PACRG: variants seen among roughly 807,000 people sequenced by gnomAD.
The protein encoded by PACRG is parkin coregulated, also known as parkin coregulated gene protein.
In PACRG, 29 loss-of-function variants were observed where a neutral mutation model predicts 29.7. That is an observed-to-expected ratio of 0.98 (90% CI 0.73 to 1.33). The LOEUF (loss-of-function observed/expected upper bound fraction) is 1.33, where lower values mean the gene tolerates loss of function less well. Among genes scored for constraint, PACRG ranks in the 40% most tolerant of loss-of-function variants. The pLI, the probability that PACRG is intolerant of heterozygous loss-of-function variation, is 0.00. For missense variants in PACRG, 279 were observed against 316.2 expected, an observed-to-expected ratio of 0.88 and a Z score of 0.89; for synonymous variants, 116 against 118.7, an observed-to-expected ratio of 0.98 and a Z score of 0.15.
chr6:162,797,679 G>A (rs375538908), intron 1 of PACRG, among the ~76,000 whole-genome samples: 1 of 151,684 alleles, frequency 6.6e-6, no homozygotes, highest in Non-Finnish European at 1.5e-5. Flanking sequence ...GAATTTTTTT[G>A]GGGGGGACTT....
chr6:162,881,965 G>A (rs9765879), intron 2 of PACRG, among the ~76,000 whole-genome samples: 1 of 127,086 alleles, frequency 7.9e-6, no homozygotes, highest in Admixed American at 7.8e-5. Flanking sequence ...GATGGGTGGG[G>A]GGGGGCACTC....
chr6:162,907,113 A>G (rs1795985145), intron 2 of PACRG, among the ~76,000 whole-genome samples: 2 of 152,178 alleles, frequency 1.3e-5, no homozygotes, highest in Admixed American at 6.5e-5. Context: ...CATTTTGTTC[A>G]TATACCATGA....
At chr6:163,234,255 T>TG (rs1045381386) in intron 4 of PACRG, among the ~76,000 whole-genome samples, 48 of 152,110 alleles carry the variant, frequency 3.2e-4, no homozygotes, top group Admixed American at 6.5e-4. Flanking sequence ...GGGAGGGTCA[T>TG]GGGGGGTGCA....
At chr6:163,067,161 C>T (rs1222899575) in intron 3 of PACRG, among the ~76,000 whole-genome samples, 1 of 152,192 alleles carries the variant, frequency 6.6e-6, no homozygotes, top group Non-Finnish European at 1.5e-5. Flanking sequence ...TCCCAAGCTT[C>T]AGTATGCATC....
intron 1 of PACRG, among the ~76,000 whole-genome samples, chr6:162,811,989 G>GA (rs1786911887): frequency 6.6e-6 from 1 of 152,138 alleles, no homozygotes; most frequent in South Asian, 2.1e-4. Flanking sequence ...TATGTGGAGT[G>GA]AAAAAGGCCA....
chr6:162,954,985 G>A (rs2128135806), intron 2 of PACRG, among the ~76,000 whole-genome samples: 1 of 152,316 alleles, frequency 6.6e-6, no homozygotes, highest in East Asian at 1.9e-4. Flanking sequence ...CAGACCAACA[G>A]CATCTGCTAC....
At chr6:162,934,584 A>G (rs1180873429) in intron 2 of PACRG, among the ~76,000 whole-genome samples, 1 of 151,664 alleles carries the variant, frequency 6.6e-6, no homozygotes, top group Non-Finnish European at 1.5e-5. Flanking sequence ...GGGAATTTAA[A>G]CCCTTTACAT....
intron 4 of PACRG, among the ~76,000 whole-genome samples, chr6:163,289,777 C>G (rs1325055557): frequency 6.6e-6 from 1 of 151,586 alleles, no homozygotes; most frequent in African/African-American, 2.4e-5. Context: ...AGGGCAGGGA[C>G]AGAGCTTGTG....
At chr6:163,198,642 A>G (rs188585765) in intron 4 of PACRG, among the ~76,000 whole-genome samples, 1 of 152,304 alleles carries the variant, frequency 6.6e-6, no homozygotes, top group Non-Finnish European at 1.5e-5. Flanking sequence ...TGCCTTGCCC[A>G]TTAATGAGGT....
chr6:163,222,417 T>C (rs1258505248), intron 4 of PACRG, among the ~76,000 whole-genome samples: 4 of 152,076 alleles, frequency 2.6e-5, no homozygotes, highest in Non-Finnish European at 5.9e-5. Context: ...CCATCTCTAC[T>C]AAAAATACAA....
intron 4 of PACRG, among the ~76,000 whole-genome samples, chr6:163,131,315 C>CAAAAAAAA (rs55958953): frequency 3.7e-5 from 5 of 136,206 alleles, no homozygotes; most frequent in African/African-American, 8.8e-5. Flanking sequence ...CTGTCTCAAA[C>CAAAAAAAA]AAAAAAAAAA....
intron 2 of PACRG, among the ~76,000 whole-genome samples, chr6:162,938,530 T>C (rs1017730098): frequency 6.6e-6 from 1 of 152,056 alleles, no homozygotes; most frequent in African/African-American, 2.4e-5. Flanking sequence ...GTGGGATTGC[T>C]GGATCAAATG....
At chr6:163,307,795 G>A (rs929417477) in intron 4 of PACRG, among the ~76,000 whole-genome samples, 2 of 152,068 alleles carry the variant, frequency 1.3e-5, no homozygotes, top group Admixed American at 6.6e-5. Context: ...ATAACTTCAC[G>A]GCTTCTCCCC....
intron 4 of PACRG, among the ~76,000 whole-genome samples, chr6:163,269,194 G>A (rs1783644658): frequency 6.6e-6 from 1 of 152,196 alleles, no homozygotes; most frequent in Non-Finnish European, 1.5e-5. Flanking sequence ...CTGGCTGGAA[G>A]GACTCACGTT....
intron 2 of PACRG, among the ~76,000 whole-genome samples, chr6:163,030,919 T>C (rs142128866): frequency 0.029 from 4,390 of 152,262 alleles, 212 homozygotes; most frequent in African/African-American, 0.1. Context: ...TCTTTATGAC[T>C]TGTATCTTGT....
intron 1 of PACRG, among the ~76,000 whole-genome samples, chr6:162,811,374 T>C (rs1393575827): frequency 1.3e-5 from 2 of 152,090 alleles, no homozygotes; most frequent in East Asian, 3.9e-4. Context: ...CACTTGTAAG[T>C]TTAACTACTT....
intron 1 of PACRG, among the ~76,000 whole-genome samples, chr6:162,773,515 TTTTTTTTTTTG>T (rs1783393025): frequency 8.3e-6 from 1 of 120,632 alleles, no homozygotes; most frequent in African/African-American, 3.0e-5. Flanking sequence ...TTTTTTTTTT[TTTTTTTTTTTG>T]AGACGGAGTC....
intron 2 of PACRG, among the ~76,000 whole-genome samples, chr6:162,946,896 T>C (rs974552248): frequency 2.6e-5 from 4 of 152,128 alleles, no homozygotes; most frequent in Non-Finnish European, 4.4e-5. Context: ...TCTCAATAGA[T>C]GTAGAAGAAG....
chr6:163,184,166 AT>A, intron 4 of PACRG, among the ~76,000 whole-genome samples: 1 of 152,348 alleles, frequency 6.6e-6, no homozygotes, highest in African/African-American at 2.4e-5. Flanking sequence ...ACAAAAATCA[AT>A]GTGCAAATTT....
Sources: allele counts gnomAD v4.1 joint callset (sites outside exome capture counted in the v4.1 genomes callset), GRCh38; gene constraint gnomAD v4.1.1; transcripts MANE v1.5; gene names NCBI Gene and HGNC (gene_info 2026-07-23, HGNC 2026-07-21).